NPAS4: variants seen among roughly 807,000 people sequenced by gnomAD.
The protein encoded by NPAS4 is neuronal PAS domain protein 4.
In NPAS4, 10 loss-of-function variants were observed where a neutral mutation model predicts 64.0. That is an observed-to-expected ratio of 0.16 (90% CI 0.10 to 0.26). The LOEUF (loss-of-function observed/expected upper bound fraction) is 0.26. NPAS4 is among the 10% of genes least tolerant of loss of function. The pLI is 1.00. For missense variants in NPAS4, 886 were observed against 992.6 expected, an observed-to-expected ratio of 0.89 and a Z score of 1.44; for synonymous variants, 441 against 411.7, an observed-to-expected ratio of 1.07 and a Z score of -0.86.
At chr11:66,410,126 C>G in the NPAS4 span, 1 of 152,448 alleles carries the variant, frequency 6.6e-6, no homozygotes, top group African/African-American at 2.4e-5. Context: ...CTGCCCGGTC[C>G]TATTGACCTC....
chr11:66,411,988 G>A, the NPAS4 span, among the ~76,000 whole-genome samples: 1 of 152,206 alleles, frequency 6.6e-6, no homozygotes, highest in East Asian at 1.9e-4. Flanking sequence ...GGTACACAAG[G>A]TGTGGGTAGG....
chr11:66,418,611 C>G (rs1308828897), upstream of NPAS4, among the ~76,000 whole-genome samples: 2 of 152,080 alleles, frequency 1.3e-5, no homozygotes, highest in Non-Finnish European at 2.9e-5. Context: ...CTTTCTAGAC[C>G]CTTCTTCCCT....
the NPAS4 span, among the ~76,000 whole-genome samples, chr11:66,415,863 G>A: frequency 1.3e-5 from 2 of 152,288 alleles, 1 homozygote; most frequent in African/African-American, 4.8e-5. Flanking sequence ...TGGCTCACAC[G>A]TGTAATTCCA....
chr11:66,411,863 C>T, the NPAS4 span, among the ~76,000 whole-genome samples: 31 of 152,216 alleles, frequency 2.0e-4, no homozygotes, highest in Non-Finnish European at 1.6e-4. Flanking sequence ...TTTCCTGGGA[C>T]CCCCGGACTG....
At chr11:66,425,883 C>A in intron 7 of NPAS4, 78 bp from the exon 8 acceptor site, 1 of 1,088,364 alleles carries the variant, frequency 9.2e-7, no homozygotes, top group Non-Finnish European at 1.4e-6. Flanking sequence ...TATACTAATA[C>A]CAACACATTC....
chr11:66,422,889 A>G lies in NPAS4; in HGVS notation c.646A>G (p.Met216Val), dbSNP rs1856770150. 6.2e-7 allele frequency: 1 copy of G among 1,610,458 alleles called. No homozygotes were observed. The highest frequency in any genetic ancestry group is 2.2e-5 in the East Asian group (1 of 44,884). Residue 216 changes from methionine (M) to valine (V), a missense_variant, in exon 4 of 8, where the codon ATG becomes GTG. Around this residue, in one of 3 missense-constraint regions of NPAS4, gnomAD observed 820 missense variants for 855.5 expected, o/e 0.96. Coordinates refer to ENST00000311034, the MANE Select transcript of NPAS4 (RefSeq NM_178864.4). ...TGGCCCTGCCTCGCTCTTCCTGGCC[A>G]TGTTCCAGAGCCGCCATGCTAAAGA... Reference protein sequence around the residue: ...GPGPASLFLAMFQSRHAKDLA... With the variant: ...GPGPASLFLAVFQSRHAKDLA...
chr11:66,421,734 T>A (rs1053061263), intron 1 of NPAS4, among the ~76,000 whole-genome samples: 6 of 152,112 alleles, frequency 3.9e-5, no homozygotes, highest in African/African-American at 1.4e-4. Flanking sequence ...CTGAAAGGGA[T>A]CTCCTGTCGC....
In NPAS4 at chr11:66,426,160, G is replaced by C; in HGVS notation, c.*171G>C. 1.7e-6 allele frequency: 1 copy of C among 573,640 alleles called. No individual in the cohort carries two copies. Among genetic ancestry groups the C allele is most frequent in the South Asian group, 2.2e-5 (1 of 45,260 alleles). The allele number at this position is 573,640 out of a possible 1,614,324, so 35.5% of individuals were successfully genotyped here. ...GGGGGAGGTGGGAGGGCAAGGGAGGGGAGCTTCTTTTTAAAATCAAGAGAC... is the reference window on the plus strand; with the variant it reads ...GGGGGAGGTGGGAGGGCAAGGGAGGCGAGCTTCTTTTTAAAATCAAGAGAC... On this transcript the variant is annotated 3_prime_UTR_variant, in exon 8 of 8. Coordinates refer to ENST00000311034, the MANE Select transcript of NPAS4 (RefSeq NM_178864.4).
chr11:66,416,464 G>A (rs1451426056), upstream of NPAS4, among the ~76,000 whole-genome samples: 4 of 152,314 alleles, frequency 2.6e-5, no homozygotes, highest in Non-Finnish European at 4.4e-5. Context: ...AGTGGCTGGT[G>A]GCCAGGCTTT....
chr11:66,425,404 T>C, intron 7 of NPAS4, 134 bp downstream of exon 7: 1 of 513,734 alleles, frequency 1.9e-6, no homozygotes, highest in South Asian at 4.0e-5. Context: ...CTGAAGAGAG[T>C]AGCAGTGGAG....
At chr11:66,420,963 G>T (rs778135479), upstream of NPAS4, 5 of 515,422 alleles carry the variant, frequency 9.7e-6, no homozygotes, top group African/African-American at 1.9e-5. Context: ...CCGCTCTCCC[G>T]CCCCCCCGGC....
chr11:66,421,360 C>T lies in NPAS4; in HGVS notation c.175+6C>T. On this transcript the variant is annotated splice_donor_region_variant and intron_variant, in intron 1 of 7. Coordinates refer to ENST00000311034, the MANE Select transcript of NPAS4 (RefSeq NM_178864.4). ...GGGCGTCTTCTTCGCTGGTGGTGAGCATGCTGGGGCTACCGCAGATCCGAG... is the reference window on the plus strand; with the variant it reads ...GGGCGTCTTCTTCGCTGGTGGTGAGTATGCTGGGGCTACCGCAGATCCGAG... 6.2e-7 allele frequency: 1 copy of T among 1,613,338 alleles called. No individual in the cohort carries two copies. The highest frequency in any genetic ancestry group is 8.5e-7 in the Non-Finnish European group (1 of 1,179,360).
intron 1 of NPAS4, among the ~76,000 whole-genome samples, chr11:66,421,805 T>G (rs908454949): frequency 2.0e-5 from 3 of 152,166 alleles, no homozygotes; most frequent in Non-Finnish European, 4.4e-5. Flanking sequence ...CTGTCCATGG[T>G]TCTGAACCCA....
Position 66,424,617 on chromosome 11 carries a change from C to T in NPAS4, c.1727C>T (p.Pro576Leu), listed in dbSNP as rs1402558190. 1.9e-6 allele frequency: 3 copies of T among 1,614,040 alleles called. No individual in the cohort carries two copies. Among genetic ancestry groups the T allele is most frequent in the South Asian group, 2.2e-5 (2 of 91,088 alleles). Residue 576 changes from proline (P) to leucine (L), a missense_variant, in exon 7 of 8, where the codon CCA becomes CTA. By Grantham distance (98) the Pro-to-Leu change is moderately conservative. Coordinates refer to ENST00000311034, the MANE Select transcript of NPAS4 (RefSeq NM_178864.4). ...AGTTTTCTCTATGAGAAGTTGCCCC[C>T]AAGTCCTAGCAGCCCTGGTAATGGG... ...GCSFLYEKLP[P>L]SPSSPGNGDC...
At chr11:66,420,650 C>T (rs897510090), upstream of NPAS4, among the ~76,000 whole-genome samples, 1 of 152,266 alleles carries the variant, frequency 6.6e-6, no homozygotes, top group African/African-American at 2.4e-5. Flanking sequence ...CGGCCCCTCT[C>T]TGCCCTCTGC....
chr11:66,412,473 A>C, the NPAS4 span, among the ~76,000 whole-genome samples: 12 of 152,140 alleles, frequency 7.9e-5, no homozygotes, highest in Non-Finnish European at 1.6e-4. Context: ...CTATTTCTAC[A>C]CTTGCAGTGC....
chr11:66,423,613 G>T lies in NPAS4; in HGVS notation c.844G>T (p.Val282Leu), dbSNP rs767052513. Reference protein sequence around the residue: ...ESGDIQAEMVVRLQAKTGGWA... With the variant: ...ESGDIQAEMVLRLQAKTGGWA... Reference sequence around the variant, plus strand: ...TGGAGATATTCAGGCAGAGATGGTGGTGAGGCTACAGGCCAAGACTGGAGG... The same window carrying T: ...TGGAGATATTCAGGCAGAGATGGTGTTGAGGCTACAGGCCAAGACTGGAGG... Residue 282 changes from valine (V) to leucine (L), a missense_variant, in exon 6 of 8, where the codon GTG (valine) becomes TTG (leucine). This residue lies in a region of NPAS4 where 820 missense variants were observed against 855.5 expected (regional missense o/e 0.96). Transcript: ENST00000311034. The T allele has an allele frequency of 6.2e-7, 1 of 1,614,138 alleles. No homozygotes were observed. Among genetic ancestry groups the T allele is most frequent in the African/African-American group, 1.3e-5 (1 of 75,022 alleles).
At chr11:66,413,904 A>T in the NPAS4 span, among the ~76,000 whole-genome samples, 1 of 152,178 alleles carries the variant, frequency 6.6e-6, no homozygotes, top group African/African-American at 2.4e-5. Flanking sequence ...CCATGAGGCC[A>T]AGACCAGCTG....
chr11:66,414,838 C>T, the NPAS4 span, among the ~76,000 whole-genome samples: 3 of 152,024 alleles, frequency 2.0e-5, no homozygotes, highest in Non-Finnish European at 4.4e-5. Context: ...TCAAATCCAC[C>T]AATTCAAAAG....
Sources: gnomAD v4.1 joint callset for allele counts (sites outside exome capture counted in the v4.1 genomes callset) on GRCh38, gnomAD v4.1.1 for gene constraint, gnomAD v4.1.1 regional missense constraint, MANE v1.5 for transcripts, NCBI Gene and HGNC (gene_info 2026-07-23, HGNC 2026-07-21) for gene names.